The following RPRD2 variants were observed in gnomAD, a reference collection of about 807,000 sequenced individuals.
The protein encoded by RPRD2 is regulation of nuclear pre-mRNA domain containing 2.
Under a neutral mutation model 104.4 loss-of-function variants are expected in RPRD2, and 12 were observed. That is an observed-to-expected ratio of 0.11 (90% CI 0.07 to 0.19). The LOEUF is 0.19. RPRD2 is among the 10% of genes least tolerant of loss of function. RPRD2 has a pLI of 1.00. For missense variants in RPRD2, 1,543 were observed against 1,790.1 expected, an observed-to-expected ratio of 0.86 and a Z score of 2.49; for synonymous variants, 714 against 684.9, an observed-to-expected ratio of 1.04 and a Z score of -0.66.
rs1668657227 is a variant in RPRD2, at chr1:150,472,525, C to A, written c.3577C>A (p.His1193Asn). 6.2e-7 allele frequency: 1 copy of A among 1,613,848 alleles called. No individual in the cohort carries two copies. The highest frequency in any genetic ancestry group is 1.7e-5 in the Admixed American group (1 of 60,016). Residue 1193 changes from histidine (H) to asparagine (N), a missense_variant, in exon 11 of 11, where the codon CAT becomes AAT. Physicochemically the swap from His to Asn is moderately conservative, Grantham distance 68. This residue lies in a region of RPRD2 where 880 missense variants were observed against 885.6 expected (regional missense o/e 0.99). Transcript: ENST00000369068. ...CAGTTTCAACTCAACATTTGAGCAT[C>A]ATCTTCCCCCATCCCCCTTGGAACA... is the stretch of plus-strand genomic sequence containing the variant. ...SNSFNSTFEH[H>N]LPPSPLEHGT...
chr1:150,405,938 G>A (rs587674948), intron 1 of RPRD2, among the ~76,000 whole-genome samples: 3 of 152,218 alleles, frequency 2.0e-5, no homozygotes, highest in South Asian at 2.1e-4. Context: ...GTCCCAAAGC[G>A]CAAGAATAGT....
intron 9 of RPRD2, among the ~76,000 whole-genome samples, chr1:150,463,144 C>G (rs1341693038): frequency 6.6e-6 from 1 of 152,138 alleles, no homozygotes; most frequent in Non-Finnish European, 1.5e-5. Flanking sequence ...TCATGAGCCA[C>G]TGCACCCAGC....
At chr1:150,418,266 C>A (rs1553889001) in intron 2 of RPRD2, among the ~76,000 whole-genome samples, 11 of 152,110 alleles carry the variant, frequency 7.2e-5, no homozygotes, top group Non-Finnish European at 1.6e-4. Flanking sequence ...TGTGCCTGGC[C>A]ATGTTTTTCT....
rs562476167 is a variant in RPRD2 at position 150,387,567 on chromosome 1, C to CTTTTTTTTT, written c.205+22681_205+22689dup. 2.1e-3 allele frequency among the ~76,000 whole-genome samples: 153 copies of CTTTTTTTTT among 73,764 alleles called. 12 individuals are homozygous for CTTTTTTTTT. The highest frequency in any genetic ancestry group is 2.4e-3 in the Non-Finnish European group (98 of 40,524). 48.4% of individuals were successfully genotyped at this position (73,764 alleles called of 152,430 possible). On this transcript the variant is annotated intron_variant, in intron 1 of 10. Coordinates refer to ENST00000369068, the MANE Select transcript of RPRD2 (RefSeq NM_015203.5). ...AAATCTTACAGAAGTTGCAACAGAC[C>CTTTTTTTTT]TTTTTTTTTTTTTTTTTTTTTTTTT... is the stretch of plus-strand genomic sequence containing the variant.
At chr1:150,461,384 T>C (rs1403607162) in intron 9 of RPRD2, among the ~76,000 whole-genome samples, 1 of 152,214 alleles carries the variant, frequency 6.6e-6, no homozygotes, top group Non-Finnish European at 1.5e-5. Flanking sequence ...AGTAAGTGTA[T>C]TGCATATACT....
chr1:150,431,836 A>T lies in RPRD2; in HGVS notation c.336-9087A>T, dbSNP rs112771413. Among the ~76,000 whole-genome samples the T allele has an allele frequency of 6.3e-3, 963 of 152,222 alleles. 8 individuals carry two copies. The highest frequency in any genetic ancestry group is 0.014 in the Middle Eastern group (4 of 294). ...AGCATGGGTGAACTTTGATGACATT[A>T]TGCTAAGTGAAACACGCCTGTCACA... On this transcript the variant is annotated intron_variant, in intron 2 of 10. Coordinates refer to ENST00000369068, the MANE Select transcript of RPRD2 (RefSeq NM_015203.5).
chr1:150,399,162 T>C (rs587673738), intron 1 of RPRD2, among the ~76,000 whole-genome samples: 68 of 151,974 alleles, frequency 4.5e-4, no homozygotes, highest in African/African-American at 1.6e-3. Flanking sequence ...CCTCCTCACC[T>C]CGGTTATCTT....
At chr1:150,394,358 G>GT (rs1252366852) in intron 1 of RPRD2, among the ~76,000 whole-genome samples, 2 of 151,930 alleles carry the variant, frequency 1.3e-5, no homozygotes, top group Non-Finnish European at 1.5e-5. Flanking sequence ...CCTGAATTAA[G>GT]TTTTTTTAAG....
intron 2 of RPRD2, among the ~76,000 whole-genome samples, chr1:150,429,812 T>C (rs1341319143): frequency 6.6e-6 from 1 of 152,226 alleles, no homozygotes; most frequent in Non-Finnish European, 1.5e-5. Context: ...CAACCATCTA[T>C]TCCAAGGAGT....
At chr1:150,369,594 C>CT (rs2102075129) in intron 1 of RPRD2, among the ~76,000 whole-genome samples, 1 of 145,542 alleles carries the variant, frequency 6.9e-6, no homozygotes, top group South Asian at 2.2e-4. Flanking sequence ...GCAGCTGGGA[C>CT]TACAGGCGCC....
intron 1 of RPRD2, among the ~76,000 whole-genome samples, chr1:150,416,892 CAAAA>C (rs1357821103): frequency 4.4e-5 from 5 of 113,954 alleles, no homozygotes; most frequent in Non-Finnish European, 7.7e-5. Flanking sequence ...AAAAAAAAAA[CAAAA>C]AGAAGAAGAA....
chr1:150,418,546 G>A (rs1284489698), intron 2 of RPRD2, among the ~76,000 whole-genome samples: 1 of 152,100 alleles, frequency 6.6e-6, no homozygotes, highest in Non-Finnish European at 1.5e-5. Context: ...GCGGTAGTTG[G>A]ATCCAGCACT....
At position 150,476,048 on chromosome 1, in the gene RPRD2, G is replaced by A. The variant is rs1427831476; in HGVS notation, c.*2714G>A. 2.0e-5 allele frequency: 3 copies of A among 152,148 alleles called. No individual in the cohort carries two copies. The highest frequency in any genetic ancestry group is 4.4e-5 in the Non-Finnish European group (3 of 68,038). 9.4% of individuals were successfully genotyped at this position (152,148 alleles called of 1,614,324 possible). ...TTCAGTGATACAGTTCAGAAATAGGGTCCTTAAGTATTTTGAAAGAGTTTA... is the reference window on the plus strand; with the variant it reads ...TTCAGTGATACAGTTCAGAAATAGGATCCTTAAGTATTTTGAAAGAGTTTA... On this transcript the variant is annotated 3_prime_UTR_variant, in exon 11 of 11. Transcript: ENST00000369068.
chr1:150,429,280 C>T (rs184472820), intron 2 of RPRD2, among the ~76,000 whole-genome samples: 188 of 152,062 alleles, frequency 1.2e-3, no homozygotes, highest in Admixed American at 1.9e-3. Flanking sequence ...TTAGTAGAGA[C>T]GGGGTTTCTC....
intron 9 of RPRD2, among the ~76,000 whole-genome samples, chr1:150,462,188 A>G (rs1553898973): frequency 6.6e-6 from 1 of 152,040 alleles, no homozygotes; most frequent in Admixed American, 6.5e-5. Context: ...AGGCTGAGGC[A>G]GGACAATCAC....
intron 2 of RPRD2, among the ~76,000 whole-genome samples, chr1:150,438,714 G>A (rs1021669298): frequency 2.0e-5 from 3 of 152,156 alleles, no homozygotes; most frequent in Non-Finnish European, 2.9e-5. Context: ...AATAAACGTA[G>A]ATGGCATAGC....
rs1668883042 is a variant in RPRD2, at chr1:150,476,203, C to T, written c.*2869C>T. On this transcript the variant is annotated 3_prime_UTR_variant, in exon 11 of 11. Coordinates refer to ENST00000369068, the MANE Select transcript of RPRD2 (RefSeq NM_015203.5). ...CAGAGAATAGGACTTTTATACTTTCCAATACCAGGAATAAAATGTTTGTGA... is the reference window on the plus strand; with the variant it reads ...CAGAGAATAGGACTTTTATACTTTCTAATACCAGGAATAAAATGTTTGTGA... 6.6e-6 allele frequency: 1 copy of T among 152,096 alleles called. No homozygotes were observed. Among genetic ancestry groups the T allele is most frequent in the African/African-American group, 2.4e-5 (1 of 41,388 alleles). The allele number at this position is 152,096 out of a possible 1,614,324, so 9.4% of individuals were successfully genotyped here.
At chr1:150,463,810 C>T (rs746163067) in intron 9 of RPRD2, among the ~76,000 whole-genome samples, 58 of 152,118 alleles carry the variant, frequency 3.8e-4, no homozygotes, top group Non-Finnish European at 6.9e-4. Context: ...ATTTATTGAG[C>T]GCCTACAGGG....
chr1:150,373,046 C>T (rs782741362), intron 1 of RPRD2, among the ~76,000 whole-genome samples: 2 of 151,118 alleles, frequency 1.3e-5, no homozygotes, highest in African/African-American at 2.4e-5. Flanking sequence ...CGGAATTTTG[C>T]TCTGTTGCTC....
Sources: allele counts gnomAD v4.1 joint callset (sites outside exome capture counted in the v4.1 genomes callset), GRCh38; gene constraint gnomAD v4.1.1; regional missense constraint gnomAD v4.1.1; transcripts MANE v1.5; gene names NCBI Gene and HGNC (gene_info 2026-07-23, HGNC 2026-07-21).